The following CYYR1 variants were observed in gnomAD, a reference collection of about 807,000 sequenced individuals.
The protein encoded by CYYR1 is cysteine and tyrosine rich 1, also known as cysteine and tyrosine-rich protein 1.
A neutral mutation model predicts 15.2 loss-of-function variants in CYYR1; 14 were observed. The ratio of observed to expected loss-of-function variants is 0.92; its 90% CI spans 0.61 to 1.44. The LOEUF is 1.44. Ranked by LOEUF, CYYR1 falls within the 40% of genes most tolerant of loss-of-function variation. CYYR1 has a pLI of 0.00. For synonymous variants in CYYR1, 80 were observed against 77.4 expected (o/e 1.03, Z -0.18); for missense variants, 228 against 209.5 (o/e 1.09, Z -0.54).
At chr21:26,534,782 A>C (rs1245351906) in intron 2 of CYYR1, among the ~76,000 whole-genome samples, 2 of 152,054 alleles carry the variant, frequency 1.3e-5, no homozygotes, top group African/African-American at 2.4e-5. Context: ...TCCTGCCTGC[A>C]CTGTTATAAA....
intron 2 of CYYR1, among the ~76,000 whole-genome samples, chr21:26,520,137 T>TATATATATATATATATATATATAC (rs1320265726): frequency 6.2e-5 from 8 of 129,778 alleles, no homozygotes; most frequent in African/African-American, 2.3e-4. Flanking sequence ...TATATATATA[T>TATATATATATATATATATATATAC]ATATGCAGAA....
intron 2 of CYYR1, among the ~76,000 whole-genome samples, chr21:26,531,851 G>A (rs1176004374): frequency 6.6e-6 from 1 of 152,106 alleles, no homozygotes; most frequent in Non-Finnish European, 1.5e-5. Context: ...GAACAGAGGT[G>A]TGAATGTGGA....
At chr21:26,530,867 A>C (rs2123603196) in intron 2 of CYYR1, among the ~76,000 whole-genome samples, 1 of 152,268 alleles carries the variant, frequency 6.6e-6, no homozygotes, top group Admixed American at 6.5e-5. Context: ...TATCAGAGAA[A>C]TTCATTGACA....
chr21:26,483,426 A>G (rs78415558), intron 2 of CYYR1: 1 of 980,148 alleles, frequency 1.0e-6, no homozygotes, highest in African/African-American at 1.8e-5. Context: ...AAAAAAAAAA[A>G]AAGCTTGAAG....
At chr21:26,517,069 C>T (rs569323341) in intron 2 of CYYR1, among the ~76,000 whole-genome samples, 3 of 126,384 alleles carry the variant, frequency 2.4e-5, no homozygotes, top group African/African-American at 3.1e-5. Flanking sequence ...GAGCCGAGAT[C>T]GCGCCACTGC....
chr21:26,483,783 G>A (rs1452415833), intron 2 of CYYR1, among the ~76,000 whole-genome samples: 7 of 152,092 alleles, frequency 4.6e-5, no homozygotes, highest in Non-Finnish European at 8.8e-5. Context: ...GATCTCTGAA[G>A]GCAGATCACC....
At chr21:26,498,517 G>A (rs370321406) in intron 2 of CYYR1, among the ~76,000 whole-genome samples, 5 of 152,160 alleles carry the variant, frequency 3.3e-5, no homozygotes, top group African/African-American at 1.2e-4. Flanking sequence ...GTAGGAGGGT[G>A]TTTGACTAAT....
chr21:26,522,901 A>C (rs1259747773), intron 2 of CYYR1, among the ~76,000 whole-genome samples: 1 of 152,246 alleles, frequency 6.6e-6, no homozygotes, highest in Non-Finnish European at 1.5e-5. Flanking sequence ...AACAATAGGC[A>C]TGAAAGCGTG....
rs143867610 is a variant in CYYR1 at position 26,521,709 on chromosome 21, G to C, written c.177-41280C>G. On this transcript the variant is annotated intron_variant, in intron 2 of 3. Transcript: ENST00000652641. ...TTCATTTGGGTCATGGATACATGCTGTATATTCCAGTCCACCCACCCATAG... is the reference window on the plus strand; with the variant it reads ...TTCATTTGGGTCATGGATACATGCTCTATATTCCAGTCCACCCACCCATAG... Among the ~76,000 whole-genome samples the C allele has an allele frequency of 8.7e-3, 1,322 of 152,252 alleles. 14 individuals carry two copies. Among genetic ancestry groups the C allele is most frequent in the Middle Eastern group, 0.031 (9 of 294 alleles).
chr21:26,501,346 C>A (rs2065479757), intron 2 of CYYR1, among the ~76,000 whole-genome samples: 1 of 152,126 alleles, frequency 6.6e-6, no homozygotes, highest in South Asian at 2.1e-4. Flanking sequence ...AATAAATAAA[C>A]AAATAAAATC....
chr21:26,568,982 T>C (rs1980835315), intron 1 of CYYR1: 1 of 152,222 alleles, frequency 6.6e-6, no homozygotes, highest in Admixed American at 6.5e-5. Context: ...ACACTGCTAT[T>C]GGAAATGTAA....
chr21:26,505,873 AC>A (rs2065552934), intron 2 of CYYR1, among the ~76,000 whole-genome samples: 1 of 152,222 alleles, frequency 6.6e-6, no homozygotes, highest in African/African-American at 2.4e-5. Context: ...GCATTAAGGA[AC>A]TATTTAGTCT....
chr21:26,573,137 A>T lies in CYYR1; in HGVS notation c.-197T>A. ...GGCCAGCGACTGCGGGACTCCGCGG[A>T]GCTGGGGCGCCCGTGGCCCGAGACG... On this transcript the variant is annotated 5_prime_UTR_variant, in exon 1 of 4. Transcript: ENST00000652641. The T allele has an allele frequency of 1.3e-6, 2 of 1,497,262 alleles. No individual in the cohort carries two copies. The highest frequency in any genetic ancestry group is 1.8e-6 in the Non-Finnish European group (2 of 1,128,256). 92.7% of individuals were successfully genotyped at this position (1,497,262 alleles called of 1,614,324 possible).
In CYYR1 at chr21:26,468,354, A is replaced by G; in HGVS notation, c.*147T>C. The G allele has an allele frequency of 1.4e-6, 1 of 702,640 alleles. No individual in the cohort carries two copies. Among genetic ancestry groups the G allele is most frequent in the East Asian group, 2.7e-5 (1 of 37,520 alleles). The allele number at this position is 702,640 out of a possible 1,614,324, so 43.5% of individuals were successfully genotyped here. A position where few individuals can be genotyped will look rare whatever the true frequency, so the allele number is the denominator to read the frequency against. ...GCTTTGAGCAGAGTAGAAATCCTAT[A>G]TCTCCTAGCAGGGATATTCCACCTG... On this transcript the variant is annotated 3_prime_UTR_variant, in exon 4 of 4. Transcript: ENST00000652641.
chr21:26,536,088 A>C (rs1178671105), intron 2 of CYYR1, among the ~76,000 whole-genome samples: 1 of 152,154 alleles, frequency 6.6e-6, no homozygotes, highest in Non-Finnish European at 1.5e-5. Context: ...ATGTCTTCAC[A>C]TGGCGGCAGG....
chr21:26,538,129 C>A (rs979222654), intron 2 of CYYR1, among the ~76,000 whole-genome samples: 1 of 152,204 alleles, frequency 6.6e-6, no homozygotes, highest in African/African-American at 2.4e-5. Context: ...GGCGCTCTGA[C>A]TGCAACTAAC....
intron 2 of CYYR1, among the ~76,000 whole-genome samples, chr21:26,522,647 G>A (rs1428265722): frequency 6.6e-6 from 1 of 152,158 alleles, no homozygotes; most frequent in Non-Finnish European, 1.5e-5. Flanking sequence ...ACTCTACACT[G>A]GAGGATATGA....
chr21:26,479,423 T>C (rs891051896), intron 3 of CYYR1, among the ~76,000 whole-genome samples: 5 of 151,992 alleles, frequency 3.3e-5, no homozygotes, highest in Admixed American at 3.3e-4. Context: ...AGAAAAGACA[T>C]GAGTATGGAT....
chr21:26,520,072 CTTCT>C (rs2065782056), intron 2 of CYYR1, among the ~76,000 whole-genome samples: 1 of 141,772 alleles, frequency 7.1e-6, no homozygotes, highest in Non-Finnish European at 1.5e-5. Context: ...GAAATCATGC[CTTCT>C]TTTTCTTTAT....
Sources: allele counts gnomAD v4.1 joint callset (sites outside exome capture counted in the v4.1 genomes callset), GRCh38; gene constraint gnomAD v4.1.1; transcripts MANE v1.5; gene names NCBI Gene and HGNC (gene_info 2026-07-23, HGNC 2026-07-21).